The following B3GAT1 variants were observed in gnomAD, a reference collection of about 807,000 sequenced individuals.
B3GAT1 encodes the protein beta-1,3-glucuronyltransferase 1, also known as galactosylgalactosylxylosylprotein 3-beta-glucuronosyltransferase 1.
Under a neutral mutation model 28.4 loss-of-function variants are expected in B3GAT1, and 11 were observed. That is an observed-to-expected ratio of 0.39 (90% CI 0.24 to 0.64). The LOEUF is 0.64. Ranked by LOEUF, B3GAT1 falls within the 30% of genes least tolerant of loss-of-function variation. The probability of loss-of-function intolerance (pLI) is 0.50; values close to 1 mark genes in which losing one functional copy is unlikely to be tolerated. For synonymous variants in B3GAT1, 255 were observed against 223.1 expected, an observed-to-expected ratio of 1.14 and a Z score of -1.27; for missense variants, 375 against 491.0, an observed-to-expected ratio of 0.76 and a Z score of 2.23.
chr11:134,411,343 G>C lies in B3GAT1; in HGVS notation c.-282+464C>G, dbSNP rs1049693352. Among the ~76,000 whole-genome samples, 1 of 152,170 alleles carries C rather than the reference G, an allele frequency of 6.6e-6. No individual in the cohort carries two copies. Among genetic ancestry groups the C allele is most frequent in the East Asian group, 1.9e-4 (1 of 5,158 alleles). The stretch of plus-strand genomic sequence containing the variant: ...CCTCAGCGCGCCCCGCAGAGCTCGG[G>C]CCCCCTCAAGAGAGTTAACTTGGCA... On this transcript the variant is annotated intron_variant, in intron 1 of 5. Coordinates refer to ENST00000312527, the MANE Select transcript of B3GAT1 (RefSeq NM_054025.3). This position sits in a 1 kb window ranked among gnomAD's most constrained non-coding sequence, Gnocchi z 6.0.
rs1178253520 is a variant in B3GAT1, at chr11:134,379,836, T to G, written c.*926A>C. On this transcript the variant is annotated 3_prime_UTR_variant, in exon 6 of 6. Transcript: ENST00000312527. ...TGCCCACCATGGGCTCACTCCACCC[T>G]GAGGTCTGTGGCTCTGAAGAGCTGC... The G allele has an allele frequency of 2.0e-5, 3 of 148,482 alleles. No homozygotes were observed. The highest frequency in any genetic ancestry group is 4.5e-5 in the Non-Finnish European group (3 of 66,020). 9.2% of individuals were successfully genotyped at this position (148,482 alleles called of 1,614,324 possible).
At chr11:134,399,433 C>T (rs1944566697) in intron 1 of B3GAT1, among the ~76,000 whole-genome samples, 1 of 152,244 alleles carries the variant, frequency 6.6e-6, no homozygotes. Context: ...CCAGTGGGCG[C>T]ACACCCACCA....
At chr11:134,390,917 C>G (rs960493607) in intron 1 of B3GAT1, 5 of 152,156 alleles carry the variant, frequency 3.3e-5, no homozygotes, top group Non-Finnish European at 7.3e-5. Flanking sequence ...GCCTGGACCA[C>G]AGCCACCCTC....
chr11:134,394,818 G>T (rs955710414), intron 1 of B3GAT1, among the ~76,000 whole-genome samples: 2 of 152,248 alleles, frequency 1.3e-5, no homozygotes, highest in Admixed American at 1.3e-4. Context: ...CTGATTTGGT[G>T]CAGAGAATAT....
chr11:134,404,266 C>T (rs1160287307), intron 1 of B3GAT1, among the ~76,000 whole-genome samples: 8 of 150,658 alleles, frequency 5.3e-5, no homozygotes, highest in African/African-American at 7.3e-5. Flanking sequence ...TGAGAACATG[C>T]GGTGTTTGGT....
chr11:134,392,774 A>G (rs1459786140), intron 1 of B3GAT1, among the ~76,000 whole-genome samples: 1 of 152,194 alleles, frequency 6.6e-6, no homozygotes, highest in East Asian at 1.9e-4. Flanking sequence ...AGGCTGGGGC[A>G]GAACATGTGA....
At chr11:134,384,240 TGGATTCAGAGC>T in intron 2 of B3GAT1, 52 bp from the exon 3 acceptor site, 2 of 1,502,768 alleles carry the variant, frequency 1.3e-6, no homozygotes, top group South Asian at 2.6e-5. Context: ...GCTACGGCCC[TGGATTCAGAGC>T]GGGACGCCAC....
intron 1 of B3GAT1, chr11:134,390,263 C>A (rs1944382842): frequency 6.6e-6 from 1 of 152,304 alleles, no homozygotes; most frequent in Admixed American, 6.5e-5. Flanking sequence ...CCCTCCACAC[C>A]CAGGCCACTG....
intron 1 of B3GAT1, among the ~76,000 whole-genome samples, chr11:134,394,389 G>A (rs1944466571): frequency 6.6e-6 from 1 of 152,218 alleles, no homozygotes; most frequent in South Asian, 2.1e-4. Context: ...TGTCAGCAGA[G>A]CTGCTCAAAC....
chr11:134,387,712 C>T lies in B3GAT1; in HGVS notation c.-53G>A. 1 of 1,610,458 alleles carries T rather than the reference C, an allele frequency of 6.2e-7. No individual in the cohort carries two copies. Among genetic ancestry groups the T allele is most frequent in the Non-Finnish European group, 8.5e-7 (1 of 1,178,602 alleles). ...CTCATTACCTGAGTGGCGGTAAGTT[C>T]AGGAGAGGGGCGGCCACGGGCGGCG... On this transcript the variant is annotated 5_prime_UTR_variant, in exon 2 of 6. An upstream open reading frame in the 5' UTR loses its in-frame stop. Transcript: ENST00000312527.
chr11:134,401,974 G>GT (rs1944624069), intron 1 of B3GAT1, among the ~76,000 whole-genome samples: 1 of 123,156 alleles, frequency 8.1e-6, no homozygotes, highest in Non-Finnish European at 1.8e-5. Flanking sequence ...CTGGGGCGGG[G>GT]GGGGGCGGGC....
rs1269285660 is a variant in B3GAT1, at chr11:134,411,481, G to A, written c.-282+326C>T. Among the ~76,000 whole-genome samples the A allele has an allele frequency of 6.6e-6, 1 of 152,160 alleles. No homozygotes were observed. Among genetic ancestry groups the A allele is most frequent in the African/African-American group, 2.4e-5 (1 of 41,444 alleles). On this transcript the variant is annotated intron_variant, in intron 1 of 5. Coordinates refer to ENST00000312527, the MANE Select transcript of B3GAT1 (RefSeq NM_054025.3). The surrounding 1 kb of genome is among the most constrained non-coding windows in gnomAD (Gnocchi z 6.0). ...CCGGCCACCAGAAACCACCTGCTGA[G>A]GGGGCCGGGAACTGACGACTGAGAG...
rs1041749552 is a variant in B3GAT1 at position 134,383,538 on chromosome 11, GCT to G, written c.621+140_621+141del. ...GCCCGCAGTTCCATCCCTTTCCCTGGCTCTCTGCTGCCTGCCCCGCTCCCAGC... is the reference window on the plus strand; with the variant it reads ...GCCCGCAGTTCCATCCCTTTCCCTGGCTCTGCTGCCTGCCCCGCTCCCAGC... On this transcript the variant is annotated intron_variant, in intron 3 of 5. Transcript: ENST00000312527. 7.0e-6 allele frequency: 8 copies of G among 1,140,548 alleles called. No homozygotes were observed. The African/African-American group carries it at 1.1e-4, about 16-fold the overall frequency. 70.7% of individuals were successfully genotyped at this position (1,140,548 alleles called of 1,614,324 possible).
At chr11:134,410,229 G>A (rs915306661) in intron 1 of B3GAT1, among the ~76,000 whole-genome samples, 2 of 152,212 alleles carry the variant, frequency 1.3e-5, no homozygotes, top group Non-Finnish European at 2.9e-5. Flanking sequence ...GGAACAGTGA[G>A]TAACTGCCCA....
At position 134,411,233 on chromosome 11, in the gene B3GAT1, A is replaced by T. The variant is rs1284279038; in HGVS notation, c.-282+574T>A. On this transcript the variant is annotated intron_variant, in intron 1 of 5. Transcript: ENST00000312527. This position sits in a 1 kb window ranked among gnomAD's most constrained non-coding sequence, Gnocchi z 6.0. ...AGACCTGAGCCCAGGTGCAGATGGG[A>T]GGGTGGTGAACTGGTCGCGCCTCCT... Among the ~76,000 whole-genome samples the T allele has an allele frequency of 1.3e-5, 2 of 151,998 alleles. No homozygotes were observed. Among genetic ancestry groups the T allele is most frequent in the African/African-American group, 4.8e-5 (2 of 41,376 alleles).
Position 134,383,792 on chromosome 11 carries a change from C to T in B3GAT1, c.509G>A (p.Arg170His), listed in dbSNP as rs1404195369. The change falls in exon 3 of 6, where the codon CGC becomes CAC. Residue 170 changes from arginine (R) to histidine (H), a missense_variant. Coordinates refer to ENST00000312527, the MANE Select transcript of B3GAT1 (RefSeq NM_054025.3). ...GCGCAGCCAGCGCAGGGCCAGGTTG[C>T]GCTGCATGGTGCCCCGCGGGATGCG... ...DPRIPRGTMQ[R>H]NLALRWLRET... 2.5e-6 allele frequency: 4 copies of T among 1,596,944 alleles called. No individual in the cohort carries two copies. The highest frequency in any genetic ancestry group is 1.7e-6 in the Non-Finnish European group (2 of 1,172,374).
chr11:134,400,799 A>G (rs957970762), intron 1 of B3GAT1, among the ~76,000 whole-genome samples: 1 of 152,232 alleles, frequency 6.6e-6, no homozygotes, highest in Non-Finnish European at 1.5e-5. Context: ...GCTTCTGTGC[A>G]GCAAAAGAAG....
intron 1 of B3GAT1, among the ~76,000 whole-genome samples, chr11:134,396,072 A>G (rs574132224): frequency 7.9e-5 from 12 of 152,230 alleles, no homozygotes; most frequent in African/African-American, 2.4e-4. Context: ...TACTTCGTCA[A>G]TCCAGCAAGG....
chr11:134,403,079 A>G (rs1223756322), intron 1 of B3GAT1, among the ~76,000 whole-genome samples: 1 of 152,032 alleles, frequency 6.6e-6, no homozygotes, highest in Non-Finnish European at 1.5e-5. Flanking sequence ...TGCTGATACT[A>G]TCTCTGGGTT....
Sources: gnomAD v4.1 joint callset for allele counts (sites outside exome capture counted in the v4.1 genomes callset) on GRCh38, gnomAD v4.1.1 for gene constraint, Gnocchi (gnomAD v3.1) non-coding constraint, MANE v1.5 for transcripts, NCBI Gene and HGNC (gene_info 2026-07-23, HGNC 2026-07-21) for gene names.